TSPAN18: variants seen among roughly 807,000 people sequenced by gnomAD.
TSPAN18 encodes the protein tetraspanin-18.
Under a neutral mutation model 27.3 loss-of-function variants are expected in TSPAN18, and 14 were observed. That is an observed-to-expected ratio of 0.51 (90% CI 0.34 to 0.80). The LOEUF (loss-of-function observed/expected upper bound fraction) is 0.80. TSPAN18 is among the 30% of genes least tolerant of loss of function. The pLI is 0.01. For synonymous variants in TSPAN18, 143 were observed against 136.5 expected, an observed-to-expected ratio of 1.05 and a Z score of -0.33; for missense variants, 268 against 323.9, an observed-to-expected ratio of 0.83 and a Z score of 1.32.
intron 1 of TSPAN18, among the ~76,000 whole-genome samples, chr11:44,739,925 T>G (rs1218694872): frequency 2.0e-5 from 3 of 152,170 alleles, no homozygotes; most frequent in Non-Finnish European, 2.9e-5. Flanking sequence ...GGGAGAGGCA[T>G]GTCCTTTTGG....
chr11:44,930,317 C>T lies in TSPAN18; in HGVS notation c.*1139C>T, dbSNP rs958769034. On this transcript the variant is annotated 3_prime_UTR_variant, in exon 10 of 10. Transcript: ENST00000520358. ...ACAGAGAGCTTACTACCTCCCAAGGCAGCCTCCTGCCTTTGGACTGCTCTG... is the reference window on the plus strand; with the variant it reads ...ACAGAGAGCTTACTACCTCCCAAGGTAGCCTCCTGCCTTTGGACTGCTCTG... The T allele has an allele frequency of 1.3e-5, 2 of 153,434 alleles. No homozygotes were observed. Among genetic ancestry groups the T allele is most frequent in the African/African-American group, 4.8e-5 (2 of 41,588 alleles). The allele number at this position is 153,434 out of a possible 1,614,324, so 9.5% of individuals were successfully genotyped here.
intron 1 of TSPAN18, among the ~76,000 whole-genome samples, chr11:44,748,612 A>G (rs1173578780): frequency 6.6e-6 from 1 of 152,174 alleles, no homozygotes; most frequent in Non-Finnish European, 1.5e-5. Flanking sequence ...AGAAATTAAC[A>G]CAAGTCAGGA....
intron 1 of TSPAN18, among the ~76,000 whole-genome samples, chr11:44,757,098 G>C (rs964342818): frequency 2.0e-5 from 3 of 151,738 alleles, no homozygotes; most frequent in African/African-American, 7.3e-5. Context: ...TTTTTCTTTT[G>C]GGTATATACC....
chr11:44,932,300 A>G lies in TSPAN18; in HGVS notation c.*3122A>G, dbSNP rs1860610355. 1 of 152,064 alleles carries G rather than the reference A, an allele frequency of 6.6e-6. No individual in the cohort carries two copies. Among genetic ancestry groups the G allele is most frequent in the Admixed American group, 6.5e-5 (1 of 15,272 alleles). 9.4% of individuals were successfully genotyped at this position (152,064 alleles called of 1,614,324 possible). ...CTCTCCTGTGAGACCCCCCTTTTATATGATATATCCAGAGGAAGTTTTGTA... is the reference window on the plus strand; with the variant it reads ...CTCTCCTGTGAGACCCCCCTTTTATGTGATATATCCAGAGGAAGTTTTGTA... On this transcript the variant is annotated 3_prime_UTR_variant, in exon 10 of 10. Transcript: ENST00000520358.
In TSPAN18 at chr11:44,851,614, C is replaced by CG. The variant is rs1565177045; in HGVS notation, c.-152-8714_-152-8713insG. Reference sequence around the variant, plus strand: ...CTGTTAGCCCAGGTACTCTTGTCACCTCCCCCCCCCAACGGCTGGGTCCCT... The same window carrying CG: ...CTGTTAGCCCAGGTACTCTTGTCACCGTCCCCCCCCCAACGGCTGGGTCCCT... On this transcript the variant is annotated intron_variant, in intron 2 of 9. Transcript: ENST00000520358. 1.7e-4 allele frequency among the ~76,000 whole-genome samples: 24 copies of CG among 141,608 alleles called. 1 individual carries two copies. Among genetic ancestry groups the CG allele is most frequent in the African/African-American group, 6.0e-4 (24 of 39,798 alleles). 92.9% of individuals were successfully genotyped at this position (141,608 alleles called of 152,430 possible). A position where few individuals can be genotyped will look rare whatever the true frequency, so the allele number is the denominator to read the frequency against.
At chr11:44,865,325 C>T (rs1166828743) in intron 3 of TSPAN18, among the ~76,000 whole-genome samples, 1 of 152,036 alleles carries the variant, frequency 6.6e-6, no homozygotes, top group Non-Finnish European at 1.5e-5. Context: ...CATAGGGCTG[C>T]GATGAGCTTT....
intron 2 of TSPAN18, among the ~76,000 whole-genome samples, chr11:44,837,229 A>C (rs929677246): frequency 2.6e-5 from 4 of 152,236 alleles, no homozygotes; most frequent in African/African-American, 7.2e-5. Flanking sequence ...AAACAGCAAC[A>C]TGAACAGGAG....
chr11:44,919,351 C>G, intron 7 of TSPAN18, 39 bp downstream of exon 7: 2 of 1,535,872 alleles, frequency 1.3e-6, no homozygotes, highest in South Asian at 2.2e-5. Flanking sequence ...CATTCAGAGC[C>G]ACGATGCCCA....
chr11:44,734,661 T>A lies in TSPAN18; in HGVS notation c.-240+7374T>A, dbSNP rs566365430. 1.1e-4 allele frequency among the ~76,000 whole-genome samples: 17 copies of A among 152,334 alleles called. No homozygotes were observed. The East Asian group carries it at 2.9e-3, about 26-fold the overall frequency. On this transcript the variant is annotated intron_variant, in intron 1 of 9. Transcript: ENST00000520358. ...GCTGGACTCTTGTGTTGAACTAATATGGCTTCCATTTGAAACGGGACAAGA... is the reference window on the plus strand; with the variant it reads ...GCTGGACTCTTGTGTTGAACTAATAAGGCTTCCATTTGAAACGGGACAAGA...
intron 2 of TSPAN18, among the ~76,000 whole-genome samples, chr11:44,817,139 C>G (rs1856832851): frequency 1.3e-5 from 2 of 152,192 alleles, no homozygotes; most frequent in South Asian, 4.1e-4. Flanking sequence ...ACCACAAGAT[C>G]AGCACACGGA....
chr11:44,896,470 C>T (rs975592699), intron 3 of TSPAN18, among the ~76,000 whole-genome samples: 20 of 152,108 alleles, frequency 1.3e-4, no homozygotes, highest in Admixed American at 1.3e-3. Flanking sequence ...GCACTGTACC[C>T]CAAGTGCACG....
intron 1 of TSPAN18, among the ~76,000 whole-genome samples, chr11:44,753,607 G>A (rs1379644432): frequency 6.6e-6 from 1 of 152,172 alleles, no homozygotes; most frequent in East Asian, 1.9e-4. Flanking sequence ...TTCGAACTGA[G>A]TTTTTTGAGA....
At chr11:44,895,463 G>C (rs114128385) in intron 3 of TSPAN18, among the ~76,000 whole-genome samples, 1 of 152,340 alleles carries the variant, frequency 6.6e-6, no homozygotes, top group African/African-American at 2.4e-5. Context: ...AACCAACCCA[G>C]CCTCTGCAGA....
chr11:44,779,708 G>T (rs974470099), intron 2 of TSPAN18, among the ~76,000 whole-genome samples: 4 of 151,734 alleles, frequency 2.6e-5, no homozygotes, highest in African/African-American at 9.7e-5. Flanking sequence ...CTGCATACCG[G>T]TGCATATCTA....
intron 1 of TSPAN18, among the ~76,000 whole-genome samples, chr11:44,731,337 A>T (rs932324869): frequency 6.6e-6 from 1 of 152,090 alleles, no homozygotes; most frequent in African/African-American, 2.4e-5. Context: ...ATAACTTCAT[A>T]TCAATTGTGT....
At chr11:44,857,422 C>T (rs1439046678) in intron 2 of TSPAN18, among the ~76,000 whole-genome samples, 3 of 152,226 alleles carry the variant, frequency 2.0e-5, no homozygotes, top group Non-Finnish European at 2.9e-5. Flanking sequence ...GTGCTCTCCC[C>T]GCCTCCCCCG....
At chr11:44,908,761 A>AAAG (rs57368563) in intron 4 of TSPAN18, among the ~76,000 whole-genome samples, 587 of 35,722 alleles carry the variant, frequency 0.016, 6 homozygotes, top group Non-Finnish European at 0.024. Context: ...AGAGAGAGAG[A>AAAG]GAGAAAGGAG....
At chr11:44,736,504 C>T (rs908230498) in intron 1 of TSPAN18, 1 of 152,224 alleles carries the variant, frequency 6.6e-6, no homozygotes, top group Non-Finnish European at 1.5e-5. Flanking sequence ...TCCATTTTAG[C>T]ATCAGAAGTC....
intron 1 of TSPAN18, among the ~76,000 whole-genome samples, chr11:44,736,873 G>A (rs1420060488): frequency 6.6e-6 from 1 of 152,310 alleles, no homozygotes; most frequent in East Asian, 1.9e-4. Flanking sequence ...ATGCATAAAT[G>A]TATCTCTTGG....
Sources: gnomAD v4.1 joint callset for allele counts (sites outside exome capture counted in the v4.1 genomes callset) on GRCh38, gnomAD v4.1.1 for gene constraint, MANE v1.5 for transcripts, NCBI Gene and HGNC (gene_info 2026-07-23, HGNC 2026-07-21) for gene names.